The following MPP7 variants were observed in gnomAD, a reference collection of about 807,000 sequenced individuals.
The protein encoded by MPP7 is MAGUK p55 subfamily member 7.
A neutral mutation model predicts 76.5 loss-of-function variants in MPP7; 60 were observed. The ratio of observed to expected loss-of-function variants is 0.78; its 90% CI spans 0.64 to 0.97. MPP7 has a LOEUF of 0.97. Among genes scored for constraint, MPP7 ranks in the 50% least tolerant of loss-of-function variants. The pLI, the probability that MPP7 is intolerant of heterozygous loss-of-function variation, is 0.00. For synonymous variants in MPP7, 237 were observed against 244.5 expected (o/e 0.97, Z 0.29); for missense variants, 641 against 694.0 (o/e 0.92, Z 0.86).
intron 3 of MPP7, among the ~76,000 whole-genome samples, chr10:28,160,861 A>T (rs1318132262): frequency 6.6e-6 from 1 of 152,324 alleles, no homozygotes; most frequent in African/African-American, 2.4e-5. Context: ...TGAGGTCTGA[A>T]AAGTAGCTTT....
chr10:28,252,734 G>T (rs571201432), intron 1 of MPP7, among the ~76,000 whole-genome samples: 1 of 152,134 alleles, frequency 6.6e-6, no homozygotes, highest in Admixed American at 6.5e-5. Context: ...CATTCAACAG[G>T]CTCTTAGAAC....
intron 2 of MPP7, among the ~76,000 whole-genome samples, chr10:28,220,899 C>T (rs142506120): frequency 3.3e-5 from 5 of 152,250 alleles, no homozygotes; most frequent in African/African-American, 9.6e-5. Flanking sequence ...CTTCTATTGT[C>T]ATCTTTATCA....
chr10:28,122,653 C>T lies in MPP7; in HGVS notation c.615+1378G>A, dbSNP rs935437658. On this transcript the variant is annotated intron_variant, in intron 8 of 16. Coordinates refer to ENST00000683449, the MANE Select transcript of MPP7 (RefSeq NM_001318170.2). Reference sequence around the variant, plus strand: ...TTGGCATCACCTTCGTGTCTCCAGACATCTATGTTTTCTTTTGTAAAGTAT... The same window carrying T: ...TTGGCATCACCTTCGTGTCTCCAGATATCTATGTTTTCTTTTGTAAAGTAT... Among the ~76,000 whole-genome samples the T allele has an allele frequency of 2.0e-5, 3 of 152,196 alleles. No individual in the cohort carries two copies. The South Asian group carries it at 6.2e-4, about 31-fold the overall frequency.
chr10:28,211,969 G>A (rs150257397), intron 2 of MPP7, among the ~76,000 whole-genome samples: 1 of 152,156 alleles, frequency 6.6e-6, no homozygotes, highest in African/African-American at 2.4e-5. Context: ...GCATCACTCA[G>A]CCAGGCGCAG....
chr10:28,144,735 T>C (rs1835648824), intron 5 of MPP7, among the ~76,000 whole-genome samples: 1 of 152,138 alleles, frequency 6.6e-6, no homozygotes, highest in Admixed American at 6.6e-5. Context: ...TTCTTCAATA[T>C]TCTCCCCCTG....
rs181298069 is a variant in MPP7, at chr10:28,123,507, C to T, written c.615+524G>A. On this transcript the variant is annotated intron_variant, in intron 8 of 16. Transcript: ENST00000683449. Reference sequence around the variant, plus strand: ...TTTTTGAGACAAAGTCTTGCTATGACGCCCAGGCTGGAGTGCAGTGGTGTG... The same window carrying T: ...TTTTTGAGACAAAGTCTTGCTATGATGCCCAGGCTGGAGTGCAGTGGTGTG... 3.4e-3 allele frequency among the ~76,000 whole-genome samples: 471 copies of T among 138,586 alleles called. 1 individual carries two copies. Among genetic ancestry groups the T allele is most frequent in the Middle Eastern group, 0.013 (3 of 240 alleles). The allele number at this position is 138,586 out of a possible 152,430, so 90.9% of individuals were successfully genotyped here.
intron 3 of MPP7, among the ~76,000 whole-genome samples, chr10:28,151,745 T>C (rs1835890569): frequency 6.6e-6 from 1 of 152,214 alleles, no homozygotes; most frequent in African/African-American, 2.4e-5. Context: ...TGCTATGTTC[T>C]TGCAGACAGT....
chr10:28,116,248 T>C (rs1004789867), intron 11 of MPP7, among the ~76,000 whole-genome samples: 5 of 152,166 alleles, frequency 3.3e-5, no homozygotes, highest in East Asian at 1.9e-4. Flanking sequence ...TAGATTTCAA[T>C]AGAAAAGCAA....
chr10:28,285,355 T>C (rs1840767573), intron 1 of MPP7, among the ~76,000 whole-genome samples: 1 of 152,134 alleles, frequency 6.6e-6, no homozygotes, highest in Non-Finnish European at 1.5e-5. Context: ...CCAGCTAATT[T>C]TGTATTTTTA....
At chr10:28,057,706 G>A in intron 15 of MPP7, 1 of 1,276,794 alleles carries the variant, frequency 7.8e-7, no homozygotes, top group Non-Finnish European at 1.0e-6. Flanking sequence ...CCCAAGTCAG[G>A]AGGCAGCCTT....
chr10:28,255,015 A>C (rs1349510904), intron 1 of MPP7: 1 of 152,262 alleles, frequency 6.6e-6, no homozygotes, highest in African/African-American at 2.4e-5. Context: ...TTTGTTATAA[A>C]ATGGAAACTA....
At chr10:28,236,974 G>C (rs1186744007) in intron 2 of MPP7, 1 of 152,170 alleles carries the variant, frequency 6.6e-6, no homozygotes, top group African/African-American at 2.4e-5. Flanking sequence ...ACATCATAAA[G>C]CAAGGTGTCA....
chr10:28,306,639 C>G (rs1841257654), upstream of MPP7, among the ~76,000 whole-genome samples: 1 of 141,790 alleles, frequency 7.1e-6, no homozygotes, highest in Non-Finnish European at 1.5e-5. Flanking sequence ...CAGAGTAAGA[C>G]CCTGTCTCTA....
intron 1 of MPP7, among the ~76,000 whole-genome samples, chr10:28,282,664 A>G (rs936477780): frequency 6.6e-6 from 1 of 152,024 alleles, no homozygotes; most frequent in African/African-American, 2.4e-5. Context: ...GTAAAGAAAA[A>G]CAGTGGCAGA....
chr10:28,124,147 G>A, intron 7 of MPP7, 31 bp from the exon 8 acceptor site: 2 of 1,440,634 alleles, frequency 1.4e-6, no homozygotes, highest in Non-Finnish European at 2.0e-6. Flanking sequence ...TAAATTAGCA[G>A]TGTTACCCAC....
chr10:28,276,312 T>A (rs961364394), intron 1 of MPP7, among the ~76,000 whole-genome samples: 1 of 152,114 alleles, frequency 6.6e-6, no homozygotes, highest in African/African-American at 2.4e-5. Flanking sequence ...ATTACAGGCA[T>A]GAGCCACCGT....
At chr10:28,108,748 T>G (rs1475823900) in intron 11 of MPP7, among the ~76,000 whole-genome samples, 2 of 152,096 alleles carry the variant, frequency 1.3e-5, no homozygotes, top group Non-Finnish European at 2.9e-5. Flanking sequence ...GTAGAGAGTT[T>G]GTCATGATGC....
intron 11 of MPP7, among the ~76,000 whole-genome samples, chr10:28,115,357 C>A (rs1834634397): frequency 1.3e-5 from 2 of 152,172 alleles, no homozygotes; most frequent in South Asian, 4.1e-4. Context: ...CCTGCCTCGG[C>A]CTCCCAAAGT....
At chr10:28,126,639 G>T (rs1452844372) in intron 6 of MPP7, among the ~76,000 whole-genome samples, 1 of 152,088 alleles carries the variant, frequency 6.6e-6, no homozygotes, top group African/African-American at 2.4e-5. Flanking sequence ...AGTTCATTCT[G>T]TCTATGAGTT....
Sources: allele counts gnomAD v4.1 joint callset (sites outside exome capture counted in the v4.1 genomes callset), GRCh38; gene constraint gnomAD v4.1.1; transcripts MANE v1.5; gene names NCBI Gene and HGNC (gene_info 2026-07-23, HGNC 2026-07-21).